The following WNT2 variants were observed in gnomAD, a reference collection of about 807,000 sequenced individuals.
WNT2 encodes the protein Wnt family member 2, also known as protein Wnt-2.
In WNT2, 12 loss-of-function variants were observed where a neutral mutation model predicts 36.9. That is an observed-to-expected ratio of 0.33 (90% CI 0.21 to 0.53). The LOEUF is 0.53. Among genes scored for constraint, WNT2 ranks in the 20% least tolerant of loss-of-function variants. The pLI is 0.95. For missense variants in WNT2, 379 were observed against 473.1 expected (o/e 0.80, Z 1.84); for synonymous variants, 163 against 174.6 (o/e 0.93, Z 0.52).
rs150069909 is a variant in WNT2 at position 117,281,935 on chromosome 7, G to A, written c.854-3551C>T. ...CATGGGGACAGTGAGTGTAGGTAAA[G>A]TTTTCAAGAGGCTTGGTGATGAAGA... is the stretch of plus-strand genomic sequence containing the variant. On this transcript the variant is annotated intron_variant, in intron 4 of 4. Coordinates refer to ENST00000265441, the MANE Select transcript of WNT2 (RefSeq NM_003391.3). 6.9e-3 allele frequency among the ~76,000 whole-genome samples: 1,052 copies of A among 152,270 alleles called. 9 individuals are homozygous for A. Among genetic ancestry groups the A allele is most frequent in the Non-Finnish European group, 0.01 (699 of 68,012 alleles).
chr7:117,287,172 C>A (rs913788581), intron 4 of WNT2, among the ~76,000 whole-genome samples: 1 of 152,116 alleles, frequency 6.6e-6, no homozygotes, highest in African/African-American at 2.4e-5. Context: ...CATGGTGAGA[C>A]CCTGTCCCTA....
chr7:117,306,277 G>A (rs953521348), intron 3 of WNT2, among the ~76,000 whole-genome samples: 2 of 152,100 alleles, frequency 1.3e-5, no homozygotes, highest in Non-Finnish European at 2.9e-5. Context: ...TCACATTCTT[G>A]AGTCAGTTTG....
intron 3 of WNT2, among the ~76,000 whole-genome samples, chr7:117,310,850 C>T (rs1278666356): frequency 6.6e-6 from 1 of 152,194 alleles, no homozygotes; most frequent in Non-Finnish European, 1.5e-5. Context: ...CAACCATTAT[C>T]TCCTCAGCTA....
At chr7:117,320,248 G>T (rs1376697539) in intron 2 of WNT2, among the ~76,000 whole-genome samples, 1 of 152,242 alleles carries the variant, frequency 6.6e-6, no homozygotes, top group Non-Finnish European at 1.5e-5. Flanking sequence ...AAAGAGACTT[G>T]TGGCTCCTCC....
intron 3 of WNT2, among the ~76,000 whole-genome samples, chr7:117,303,382 C>T (rs1450334192): frequency 6.6e-6 from 1 of 152,156 alleles, no homozygotes; most frequent in African/African-American, 2.4e-5. Context: ...AAATGTGTCA[C>T]CAGTGACAAT....
intron 4 of WNT2, among the ~76,000 whole-genome samples, chr7:117,282,525 G>T (rs1291075149): frequency 6.6e-6 from 1 of 152,106 alleles, no homozygotes; most frequent in African/African-American, 2.4e-5. Context: ...AGAAAGCAAT[G>T]GTGGCATGTG....
intron 3 of WNT2, among the ~76,000 whole-genome samples, chr7:117,312,343 G>A (rs1302070823): frequency 6.6e-6 from 1 of 151,950 alleles, no homozygotes; most frequent in African/African-American, 2.4e-5. Context: ...TGCCACACCT[G>A]GCTAATTTTT....
intron 1 of WNT2, among the ~76,000 whole-genome samples, chr7:117,321,285 C>T (rs1298965390): frequency 6.6e-6 from 1 of 152,226 alleles, no homozygotes; most frequent in Non-Finnish European, 1.5e-5. Context: ...GTCTAATCAA[C>T]ACCCGCTGGT....
In WNT2 at chr7:117,278,034, T is replaced by C; in HGVS notation, c.*121A>G. On this transcript the variant is annotated 3_prime_UTR_variant, in exon 5 of 5. Coordinates refer to ENST00000265441, the MANE Select transcript of WNT2 (RefSeq NM_003391.3). ...CCCAGGGAGGAAGAGGGGGCTTCCG[T>C]TGAGATAAAGGCCACATGCCTTAGG... 1 of 1,170,972 alleles carries C rather than the reference T, an allele frequency of 8.5e-7. No homozygotes were observed. Among genetic ancestry groups the C allele is most frequent in the African/African-American group, 1.5e-5 (1 of 65,260 alleles). 72.5% of individuals were successfully genotyped at this position (1,170,972 alleles called of 1,614,324 possible). A position where few individuals can be genotyped will look rare whatever the true frequency, so the allele number is the denominator to read the frequency against.
chr7:117,303,902 C>T (rs73714626), intron 3 of WNT2, among the ~76,000 whole-genome samples: 59 of 152,234 alleles, frequency 3.9e-4, no homozygotes, highest in African/African-American at 1.1e-3. Flanking sequence ...TCCACCTGCT[C>T]GTCACTTCTC....
chr7:117,313,916 T>A (rs931066541), intron 3 of WNT2, among the ~76,000 whole-genome samples: 1 of 152,234 alleles, frequency 6.6e-6, no homozygotes, highest in Non-Finnish European at 1.5e-5. Flanking sequence ...ACTCATGTTA[T>A]ACCATGTGCT....
chr7:117,318,890 A>T (rs777884256), intron 2 of WNT2, among the ~76,000 whole-genome samples: 1 of 152,260 alleles, frequency 6.6e-6, no homozygotes, highest in Non-Finnish European at 1.5e-5. Flanking sequence ...ACAGTATTTT[A>T]TAAATGAATC....
Position 117,297,337 on chromosome 7 carries a change from C to A in WNT2, c.853+275G>T, listed in dbSNP as rs184656789. ...TGGACCACAGATGCGCACCACCATG[C>A]CCAGCTAATTTTTTGCATTTTTGGT... On this transcript the variant is annotated intron_variant, in intron 4 of 4. Coordinates refer to ENST00000265441, the MANE Select transcript of WNT2 (RefSeq NM_003391.3). 1.1e-3 allele frequency among the ~76,000 whole-genome samples: 166 copies of A among 152,206 alleles called. 3 individuals are homozygous for A. The highest frequency in any genetic ancestry group is 3.9e-3 in the African/African-American group (162 of 41,526).
chr7:117,300,418 C>T (rs1275324231), intron 3 of WNT2, among the ~76,000 whole-genome samples: 1 of 152,146 alleles, frequency 6.6e-6, no homozygotes, highest in Non-Finnish European at 1.5e-5. Context: ...ATCTCTTGAC[C>T]TTTTGATCCA....
chr7:117,295,023 G>A (rs1202909721), intron 4 of WNT2, among the ~76,000 whole-genome samples: 1 of 152,190 alleles, frequency 6.6e-6, no homozygotes, highest in African/African-American at 2.4e-5. Flanking sequence ...CCCAGGAGGC[G>A]GAGGTTGCAG....
intron 3 of WNT2, among the ~76,000 whole-genome samples, chr7:117,305,351 G>A (rs932666457): frequency 1.3e-5 from 2 of 151,814 alleles, no homozygotes; most frequent in South Asian, 2.1e-4. Context: ...TTCTCTAATC[G>A]TCACTTTTTC....
chr7:117,320,297 G>T (rs914327017), intron 2 of WNT2, among the ~76,000 whole-genome samples: 1 of 152,230 alleles, frequency 6.6e-6, no homozygotes, highest in Admixed American at 6.5e-5. Context: ...CCTGGAGGAT[G>T]TGCCATATTG....
chr7:117,295,077 C>T (rs539071147), intron 4 of WNT2, among the ~76,000 whole-genome samples: 41 of 152,170 alleles, frequency 2.7e-4, no homozygotes, highest in African/African-American at 7.9e-4. Flanking sequence ...GCCAACAGAG[C>T]GAGACTCTGT....
chr7:117,318,960 T>C (rs1056594711), intron 2 of WNT2, among the ~76,000 whole-genome samples: 4 of 152,220 alleles, frequency 2.6e-5, no homozygotes, highest in African/African-American at 9.6e-5. Context: ...TCCTTTGATA[T>C]GTGATCTAAA....
Sources: allele counts gnomAD v4.1 joint callset (sites outside exome capture counted in the v4.1 genomes callset), GRCh38; gene constraint gnomAD v4.1.1; transcripts MANE v1.5; gene names NCBI Gene and HGNC (gene_info 2026-07-23, HGNC 2026-07-21).